Variants in CHEK2 observed in about 807,000 individuals in gnomAD.
The protein encoded by CHEK2 is checkpoint kinase 2.
In CHEK2, 71 loss-of-function variants were observed where a neutral mutation model predicts 69.1. The ratio of observed to expected loss-of-function variants is 1.03; its 90% CI spans 0.85 to 1.25. The LOEUF (loss-of-function observed/expected upper bound fraction) is 1.25, where lower values mean the gene tolerates loss of function less well. CHEK2 is among the 50% of genes most tolerant of loss of function. CHEK2 has a pLI of 0.00. For missense variants in CHEK2, 664 were observed against 649.6 expected (o/e 1.02, Z -0.24); for synonymous variants, 189 against 226.9 (o/e 0.83, Z 1.50).
In CHEK2 at chr22:28,698,228, T is replaced by TAAAAAAA. The variant is rs398040472; in HGVS notation, c.1009-1248_1009-1242dup. 7.6e-4 allele frequency among the ~76,000 whole-genome samples: 62 copies of TAAAAAAA among 81,880 alleles called. 4 individuals are homozygous for TAAAAAAA. The highest frequency in any genetic ancestry group is 1.2e-3 in the African/African-American group (31 of 26,196). 53.7% of individuals were successfully genotyped at this position (81,880 alleles called of 152,430 possible). A position where few individuals can be genotyped will look rare whatever the true frequency, so the allele number is the denominator to read the frequency against. ...CAACATGGTGAAACCCTATCTTTAC[T>TAAAAAAA]AAAAAAAAAAAAAAAAAAATTAGCT... On this transcript the variant is annotated intron_variant, in intron 9 of 14. Coordinates refer to ENST00000404276, the MANE Select transcript of CHEK2 (RefSeq NM_007194.4).
Position 28,719,397 on chromosome 22 carries a change from T to C in CHEK2, c.681A>G (p.Gly227=). The C allele has an allele frequency of 6.4e-7, 1 of 1,558,432 alleles. No homozygotes were observed. Among genetic ancestry groups the C allele is most frequent in the South Asian group, 1.2e-5 (1 of 86,300 alleles). Residue 227 remains glycine (G), a splice_region_variant and synonymous_variant, in exon 5 of 15, where the codon GGA becomes GGG. Coordinates refer to ENST00000404276, the MANE Select transcript of CHEK2 (RefSeq NM_007194.4). ...ATTTATATAAGAAAATAATTTACCT[T>C]CCAAGAGTTTTTGACATGATGTATT... is the stretch of plus-strand genomic sequence containing the variant. The part of the protein sequence containing the change: ...RDEYIMSKTL[G]SGACGEVKLA...
chr22:28,689,687 T>C (rs180776594), intron 13 of CHEK2, among the ~76,000 whole-genome samples: 13 of 152,226 alleles, frequency 8.5e-5, no homozygotes, highest in Admixed American at 8.5e-4. Flanking sequence ...GCAGATGCCA[T>C]ACAAATTTTC....
chr22:28,712,088 C>T, intron 5 of CHEK2, 71 bp from the exon 6 acceptor site: 1 of 1,078,572 alleles, frequency 9.3e-7, no homozygotes, highest in Non-Finnish European at 1.4e-6. Flanking sequence ...CCTGGGTCCA[C>T]TTCAAGTATT....
intron 9 of CHEK2, among the ~76,000 whole-genome samples, chr22:28,699,061 G>A (rs1457656637): frequency 1.3e-5 from 2 of 152,174 alleles, no homozygotes; most frequent in African/African-American, 2.4e-5. Flanking sequence ...CTGGAGCGCA[G>A]TGGCATGACT....
intron 2 of CHEK2, among the ~76,000 whole-genome samples, chr22:28,729,888 T>G (rs2054142219): frequency 6.6e-6 from 1 of 152,076 alleles, no homozygotes; most frequent in Non-Finnish European, 1.5e-5. Flanking sequence ...GCACTGAGAT[T>G]ATAGGGTGAA....
chr22:28,705,787 G>C (rs761764762), intron 7 of CHEK2, among the ~76,000 whole-genome samples: 8 of 151,562 alleles, frequency 5.3e-5, no homozygotes, highest in Non-Finnish European at 1.2e-4. Flanking sequence ...TTAGCTGGGC[G>C]TGGTGGTGCA....
At chr22:28,702,454 G>T (rs534006409) in intron 8 of CHEK2, among the ~76,000 whole-genome samples, 1 of 151,188 alleles carries the variant, frequency 6.6e-6, no homozygotes, top group Non-Finnish European at 1.5e-5. Context: ...TAGCCAGGAT[G>T]GCCTCGATCT....
At chr22:28,723,270 C>T (rs562938133) in intron 4 of CHEK2, among the ~76,000 whole-genome samples, 33 of 152,186 alleles carry the variant, frequency 2.2e-4, no homozygotes, top group Non-Finnish European at 3.8e-4. Flanking sequence ...GAGCCTCTTA[C>T]AGAAGCACTC....
At position 28,724,580 on chromosome 22, in the gene CHEK2, T is replaced by A. The variant is rs890231312; in HGVS notation, c.592+397A>T. On this transcript the variant is annotated intron_variant, in intron 4 of 14. Transcript: ENST00000404276. ...GCTAACTTACTCATCTTTTTTTTTG[T>A]TTTGAGACAGAGTTTCACTCTTGTT... 2.5e-5 allele frequency: 7 copies of A among 280,030 alleles called. No homozygotes were observed. The South Asian group carries it at 2.8e-4, about 11-fold the overall frequency. 17.3% of individuals were successfully genotyped at this position (280,030 alleles called of 1,614,324 possible).
At chr22:28,694,265 C>T in intron 12 of CHEK2, 148 bp from the exon 13 acceptor site, 1 of 683,150 alleles carries the variant, frequency 1.5e-6, no homozygotes, top group South Asian at 1.5e-5. Context: ...TAATCTTCCT[C>T]ACTCTCTGTA....
intron 2 of CHEK2, among the ~76,000 whole-genome samples, chr22:28,732,003 G>A (rs1413881076): frequency 6.6e-6 from 1 of 152,090 alleles, no homozygotes; most frequent in Non-Finnish European, 1.5e-5. Context: ...CTGCAGTAGC[G>A]CAATCTCAGC....
chr22:28,720,072 G>C (rs914189048), intron 4 of CHEK2, among the ~76,000 whole-genome samples: 1 of 150,124 alleles, frequency 6.7e-6, no homozygotes, highest in Admixed American at 6.8e-5. Flanking sequence ...CATTATTTGG[G>C]CTGTATCTTA....
At chr22:28,714,995 T>A (rs903803055) in intron 5 of CHEK2, among the ~76,000 whole-genome samples, 7 of 152,218 alleles carry the variant, frequency 4.6e-5, no homozygotes, top group African/African-American at 1.7e-4. Flanking sequence ...GATAGCTACA[T>A]AACCAAAACT....
intron 13 of CHEK2, among the ~76,000 whole-genome samples, chr22:28,691,868 G>A (rs965721139): frequency 6.6e-6 from 1 of 152,170 alleles, no homozygotes; most frequent in South Asian, 2.1e-4. Context: ...CCAACACTCA[G>A]TTCAGCGACA....
intron 1 of CHEK2, among the ~76,000 whole-genome samples, chr22:28,740,413 C>G (rs572409847): frequency 2.0e-5 from 3 of 152,350 alleles, no homozygotes; most frequent in South Asian, 2.1e-4. Context: ...TTACAAGACA[C>G]TGACACCCCA....
At position 28,709,999 on chromosome 22, in the gene CHEK2, T is replaced by C. The variant is rs763340730; in HGVS notation, c.846+7A>G. The C allele has an allele frequency of 4.2e-6, 6 of 1,434,812 alleles. No homozygotes were observed. Among genetic ancestry groups the C allele is most frequent in the South Asian group, 3.5e-5 (3 of 86,832 alleles). The allele number at this position is 1,434,812 out of a possible 1,614,324, so 88.9% of individuals were successfully genotyped here. A position where few individuals can be genotyped will look rare whatever the true frequency, so the allele number is the denominator to read the frequency against. On this transcript the variant is annotated splice_region_variant and intron_variant, in intron 7 of 14. Coordinates refer to ENST00000404276, the MANE Select transcript of CHEK2 (RefSeq NM_007194.4). ...AATCTAAGTATGAGTCATATAATAA[T>C]ACTTACATGATTTAGCTTTTTCAAA...
At chr22:28,734,813 A>G in intron 1 of CHEK2, 86 bp from the exon 2 acceptor site, 3 of 1,020,620 alleles carry the variant, frequency 2.9e-6, no homozygotes, top group Non-Finnish European at 4.3e-6. Context: ...CTATTACAAC[A>G]GCAAAAGAAA....
At chr22:28,701,784 C>G (rs533780442) in intron 8 of CHEK2, among the ~76,000 whole-genome samples, 1 of 152,178 alleles carries the variant, frequency 6.6e-6, no homozygotes, top group African/African-American at 2.4e-5. Flanking sequence ...TGAAAGGACC[C>G]GCATAGAAAG....
intron 7 of CHEK2, among the ~76,000 whole-genome samples, chr22:28,704,723 T>C (rs1547014): frequency 0.65 from 98,776 of 152,012 alleles, 33,006 homozygotes; most frequent in East Asian, 0.84. Flanking sequence ...ATCAGGGACA[T>C]ACACCCCAGC....
Sources: gnomAD v4.1 joint callset for allele counts (sites outside exome capture counted in the v4.1 genomes callset) on GRCh38, gnomAD v4.1.1 for gene constraint, MANE v1.5 for transcripts, NCBI Gene and HGNC (gene_info 2026-07-23, HGNC 2026-07-21) for gene names.